Variants in FNIP2 observed in about 807,000 individuals in gnomAD.
FNIP2 encodes folliculin-interacting protein 2.
FNIP2 carries 32 observed loss-of-function variants against 108.7 expected under a neutral mutation model. The ratio of observed to expected loss-of-function variants is 0.29; its 90% CI spans 0.22 to 0.40. The LOEUF is 0.40. Ranked by LOEUF, FNIP2 falls within the 10% of genes least tolerant of loss-of-function variation. FNIP2 has a pLI of 1.00. For synonymous variants in FNIP2, 480 were observed against 496.7 expected, an observed-to-expected ratio of 0.97 and a Z score of 0.45; for missense variants, 1,202 against 1,381.6, an observed-to-expected ratio of 0.87 and a Z score of 2.06.
In FNIP2 at chr4:158,891,603, A is replaced by G; in HGVS notation, c.3107A>G (p.Gln1036Arg). Reference sequence around the variant, plus strand: ...TCTAGTCAGGTGTCCAGTTTGCTTCAGTCCATTTTACAGCTCTATAAGCTT... The same window carrying G: ...TCTAGTCAGGTGTCCAGTTTGCTTCGGTCCATTTTACAGCTCTATAAGCTT... ...LVSSQVSSLL[Q>R]SILQLYKLHL... The change falls in exon 15 of 17, where the codon CAG becomes CGG. Residue 1036 changes from glutamine to arginine, a missense_variant. By Grantham distance (43) the Gln-to-Arg change is conservative. Around this residue, in one of 5 missense-constraint regions of FNIP2, gnomAD observed 142 missense variants for 183.8 expected, o/e 0.77. Transcript: ENST00000264433. The G allele has an allele frequency of 6.2e-7, 1 of 1,613,060 alleles. No homozygotes were observed. The highest frequency in any genetic ancestry group is 8.5e-7 in the Non-Finnish European group (1 of 1,179,538).
At chr4:158,890,634 T>G (rs1275671438) in intron 14 of FNIP2, among the ~76,000 whole-genome samples, 4 of 152,250 alleles carry the variant, frequency 2.6e-5, no homozygotes, top group Non-Finnish European at 5.9e-5. Flanking sequence ...TAGCAACTCT[T>G]GTTAACTTAA....
At chr4:158,802,935 T>G (rs1056135249) in intron 1 of FNIP2, among the ~76,000 whole-genome samples, 2 of 152,202 alleles carry the variant, frequency 1.3e-5, no homozygotes, top group African/African-American at 4.8e-5. Flanking sequence ...GTACATGAGA[T>G]TGGAAACAGT....
At chr4:158,894,112 G>A (rs1782470007) in intron 15 of FNIP2, among the ~76,000 whole-genome samples, 1 of 150,678 alleles carries the variant, frequency 6.6e-6, no homozygotes, top group Non-Finnish European at 1.5e-5. Context: ...AGAAAGAGGA[G>A]TTTAAAAAGC....
chr4:158,893,539 TCCAAAC>T, intron 15 of FNIP2: 1 of 580,508 alleles, frequency 1.7e-6, no homozygotes. Flanking sequence ...ACACCTTTTT[TCCAAAC>T]TGTTTATTTG....
At chr4:158,877,675 G>T (rs1047960074) in intron 14 of FNIP2, among the ~76,000 whole-genome samples, 2 of 152,196 alleles carry the variant, frequency 1.3e-5, no homozygotes, top group African/African-American at 4.8e-5. Flanking sequence ...GATGCTTTTG[G>T]GTTAGAGTGG....
chr4:158,802,291 C>T (rs1776789259), intron 1 of FNIP2, among the ~76,000 whole-genome samples: 1 of 152,136 alleles, frequency 6.6e-6, no homozygotes, highest in African/African-American at 2.4e-5. Flanking sequence ...TGCTGTGGAT[C>T]TTAAACCTCC....
chr4:158,851,518 G>A, intron 8 of FNIP2, 68 bp downstream of exon 8: 1 of 1,587,192 alleles, frequency 6.3e-7, no homozygotes, highest in Non-Finnish European at 8.6e-7. Context: ...CTGGCAGGGA[G>A]GCTGTTCGTG....
In FNIP2 at chr4:158,905,598, G is replaced by T. The variant is rs1364413847; in HGVS notation, c.*1054G>T. The T allele has an allele frequency of 6.6e-6, 1 of 150,918 alleles. No homozygotes were observed. 9.3% of individuals were successfully genotyped at this position (150,918 alleles called of 1,614,324 possible). A position where few individuals can be genotyped will look rare whatever the true frequency, so the allele number is the denominator to read the frequency against. ...TCTAAATTTTTATATTATCATTTCT[G>T]TGCCTTCTAATTCCTGCATCCTTTT... On this transcript the variant is annotated 3_prime_UTR_variant, in exon 17 of 17. Coordinates refer to ENST00000264433, the MANE Select transcript of FNIP2 (RefSeq NM_020840.3).
chr4:158,857,345 A>G lies in FNIP2; in HGVS notation c.858-1712A>G, dbSNP rs1780042994. Among the ~76,000 whole-genome samples the G allele has an allele frequency of 3.3e-5, 5 of 152,364 alleles. No individual in the cohort carries two copies. The South Asian group carries it at 1.0e-3, about 32-fold the overall frequency. ...AAATCAACTACTGTAGTGCAAGAAA[A>G]CAAGGCTTTAGTGCCAGTACCTTGG... is the stretch of plus-strand genomic sequence containing the variant. On this transcript the variant is annotated intron_variant, in intron 8 of 16. Coordinates refer to ENST00000264433, the MANE Select transcript of FNIP2 (RefSeq NM_020840.3).
At chr4:158,855,483 CTG>C (rs1356361279) in intron 8 of FNIP2, among the ~76,000 whole-genome samples, 1 of 152,062 alleles carries the variant, frequency 6.6e-6, no homozygotes, top group Non-Finnish European at 1.5e-5. Context: ...GAATCTCACT[CTG>C]TCACCAGGCT....
chr4:158,897,685 GGTT>G (rs1311825998), intron 16 of FNIP2, among the ~76,000 whole-genome samples: 1 of 151,918 alleles, frequency 6.6e-6, no homozygotes, highest in African/African-American at 2.4e-5. Context: ...TTTTTGATGG[GGTT>G]GTTTTTTTCT....
chr4:158,781,329 C>T (rs181662848), intron 1 of FNIP2, among the ~76,000 whole-genome samples: 81 of 152,202 alleles, frequency 5.3e-4, no homozygotes, highest in African/African-American at 1.9e-3. Context: ...AATGGGTGGA[C>T]CGGTCTCTGT....
chr4:158,800,346 G>C (rs970180592), intron 1 of FNIP2, among the ~76,000 whole-genome samples: 5 of 152,144 alleles, frequency 3.3e-5, no homozygotes, highest in African/African-American at 4.8e-5. Context: ...AGAGGGTAAT[G>C]GCTACGGCTA....
At chr4:158,818,728 A>G (rs1777712657) in intron 1 of FNIP2, among the ~76,000 whole-genome samples, 1 of 152,252 alleles carries the variant, frequency 6.6e-6, no homozygotes, top group Non-Finnish European at 1.5e-5. Context: ...GTATCTGAGT[A>G]GATCTTTGAA....
chr4:158,779,001 T>A (rs1775946863), intron 1 of FNIP2, among the ~76,000 whole-genome samples: 1 of 152,170 alleles, frequency 6.6e-6, no homozygotes, highest in African/African-American at 2.4e-5. Flanking sequence ...GGCTGTTTAG[T>A]GGAGATGATT....
At chr4:158,859,804 A>G in intron 10 of FNIP2, 138 bp downstream of exon 10, 1 of 722,690 alleles carries the variant, frequency 1.4e-6, no homozygotes, top group Non-Finnish European at 2.4e-6. Context: ...AGATGGAAAC[A>G]GAACAAATGA....
chr4:158,899,328 G>T (rs1782987665), intron 16 of FNIP2, among the ~76,000 whole-genome samples: 1 of 152,136 alleles, frequency 6.6e-6, no homozygotes, highest in African/African-American at 2.4e-5. Context: ...TTGGGTCTCT[G>T]CCAGGTTTTG....
intron 1 of FNIP2, among the ~76,000 whole-genome samples, chr4:158,777,963 A>G (rs1037990323): frequency 1.3e-5 from 2 of 152,168 alleles, no homozygotes; most frequent in South Asian, 4.1e-4. Flanking sequence ...GAAATACTCT[A>G]TGCAAATACA....
At chr4:158,842,070 A>G (rs2126626512) in intron 7 of FNIP2, among the ~76,000 whole-genome samples, 1 of 152,326 alleles carries the variant, frequency 6.6e-6, no homozygotes, top group East Asian at 1.9e-4. Context: ...GATAATCTGT[A>G]GTGTGGCTCA....
Sources: gnomAD v4.1 joint callset for allele counts (sites outside exome capture counted in the v4.1 genomes callset) on GRCh38, gnomAD v4.1.1 for gene constraint, gnomAD v4.1.1 regional missense constraint, MANE v1.5 for transcripts, NCBI Gene and HGNC (gene_info 2026-07-23, HGNC 2026-07-21) for gene names.